The following TANC2 variants were observed in gnomAD, a reference collection of about 807,000 sequenced individuals.
TANC2 encodes the protein tetratricopeptide repeat, ankyrin repeat and coiled-coil containing 2, also known as protein TANC2.
In TANC2, 26 loss-of-function variants were observed where a neutral mutation model predicts 210.5. The ratio of observed to expected loss-of-function variants is 0.12; its 90% CI spans 0.09 to 0.17. The LOEUF is 0.17. TANC2 is among the 10% of genes least tolerant of loss of function. The probability of loss-of-function intolerance (pLI) is 1.00; values close to 1 mark genes in which losing one functional copy is unlikely to be tolerated. For missense variants in TANC2, 2,129 were observed against 2,608.9 expected (o/e 0.82, Z 4.01); for synonymous variants, 931 against 967.1 (o/e 0.96, Z 0.69).
intron 7 of TANC2, among the ~76,000 whole-genome samples, chr17:63,221,257 C>G (rs1322830531): frequency 2.6e-5 from 4 of 151,604 alleles, no homozygotes; most frequent in Non-Finnish European, 2.9e-5. Context: ...ATGGCAAAAC[C>G]CTGTCTCTAC....
intron 18 of TANC2, among the ~76,000 whole-genome samples, chr17:63,398,483 G>T (rs1043774236): frequency 8.6e-5 from 13 of 151,640 alleles, no homozygotes; most frequent in Admixed American, 7.2e-4. Context: ...AGAAAAACAG[G>T]CCCTCAGTTT....
At position 63,200,792 on chromosome 17, in the gene TANC2, A is replaced by G. The variant is rs1292082774; in HGVS notation, c.604A>G (p.Ile202Val). 1 of 1,613,540 alleles carries G rather than the reference A, an allele frequency of 6.2e-7. No homozygotes were observed. The highest frequency in any genetic ancestry group is 1.7e-5 in the Admixed American group (1 of 59,972). Residue 202 changes from isoleucine (I) to valine (V), a missense_variant, in exon 7 of 28, where the codon ATA becomes GTA. By Grantham distance (29) the Ile-to-Val change is conservative. Coordinates refer to ENST00000689528, the Ensembl canonical transcript of TANC2. ...TCAGACCTCAGCAATCACCCAGCGG[A>G]TAAGTCCTTGTTCCACTCTGACTAG...
intron 6 of TANC2, among the ~76,000 whole-genome samples, chr17:63,194,784 G>T (rs2041289250): frequency 6.6e-6 from 1 of 151,414 alleles, no homozygotes; most frequent in Non-Finnish European, 1.5e-5. Context: ...AAATATTTGG[G>T]GATTTTCTAA....
intron 5 of TANC2, among the ~76,000 whole-genome samples, chr17:63,190,631 A>G (rs1158986408): frequency 2.0e-5 from 3 of 152,176 alleles, no homozygotes; most frequent in Non-Finnish European, 4.4e-5. Context: ...TGGAATTTTG[A>G]TAAGGATTGC....
At chr17:63,282,987 C>G (rs1035067340) in intron 9 of TANC2, among the ~76,000 whole-genome samples, 1 of 151,956 alleles carries the variant, frequency 6.6e-6, no homozygotes, top group Non-Finnish European at 1.5e-5. Flanking sequence ...GAATTTATGT[C>G]TTAGAGGACT....
At chr17:63,146,615 C>G (rs1598472383) in intron 4 of TANC2, among the ~76,000 whole-genome samples, 4 of 152,220 alleles carry the variant, frequency 2.6e-5, no homozygotes, top group South Asian at 2.1e-4. Context: ...ACTGTTCTCT[C>G]TGTATATTCT....
At chr17:63,032,015 C>T (rs1046938631) in intron 2 of TANC2, among the ~76,000 whole-genome samples, 11 of 152,240 alleles carry the variant, frequency 7.2e-5, no homozygotes, top group Admixed American at 5.9e-4. Flanking sequence ...TGTGAGAAAA[C>T]TTGACACATT....
At chr17:63,097,248 C>T (rs754743220) in intron 3 of TANC2, among the ~76,000 whole-genome samples, 10 of 151,882 alleles carry the variant, frequency 6.6e-5, no homozygotes, top group South Asian at 2.1e-4. Context: ...GATCCCACTC[C>T]GTTGCCCAGG....
rs147624764 is a variant in TANC2 at position 63,146,237 on chromosome 17, T to C, written c.323-5033T>C. ...CATTGTTAGTGTATAGAAATACAAC[T>C]AACTTGTGAGTTGATTATGTATCCT... On this transcript the variant is annotated intron_variant, in intron 4 of 27. Transcript: ENST00000689528. 5.5e-3 allele frequency among the ~76,000 whole-genome samples: 836 copies of C among 152,272 alleles called. 6 individuals carry two copies. Among genetic ancestry groups the C allele is most frequent in the Middle Eastern group, 0.027 (8 of 294 alleles).
rs1221332274 is a variant in TANC2, at chr17:63,418,145, C to G, written c.4168-162C>G. Among the ~76,000 whole-genome samples the G allele has an allele frequency of 1.3e-5, 2 of 152,250 alleles. No homozygotes were observed. Among genetic ancestry groups the G allele is most frequent in the Non-Finnish European group, 2.9e-5 (2 of 68,042 alleles). ...ACAGGACAAAGGCAGAAGGAACTTT[C>G]AGTCCACAGGCCACGCGGCTTGAGC... is the stretch of plus-strand genomic sequence containing the variant. On this transcript the variant is annotated intron_variant, in intron 26 of 27. Transcript: ENST00000689528. The surrounding 1 kb of genome is among the most constrained non-coding windows in gnomAD (Gnocchi z 4.6).
rs146380550 is a variant in TANC2, at chr17:63,186,115, A to G, written c.434-7876A>G. The stretch of plus-strand genomic sequence containing the variant: ...TTAAGGACAGGATTTACTTTTCCAT[A>G]TGGATATCATATTGATCTGTCACCA... On this transcript the variant is annotated intron_variant, in intron 5 of 27. Coordinates refer to ENST00000689528, the Ensembl canonical transcript of TANC2. Among the ~76,000 whole-genome samples the G allele has an allele frequency of 9.7e-4, 148 of 152,238 alleles. 1 individual carries two copies. The highest frequency in any genetic ancestry group is 3.0e-3 in the African/African-American group (123 of 41,562).
At chr17:63,077,335 T>C (rs552519003) in intron 3 of TANC2, among the ~76,000 whole-genome samples, 93 of 152,246 alleles carry the variant, frequency 6.1e-4, no homozygotes, top group Non-Finnish European at 1.0e-3. Context: ...GCCTGTCTTA[T>C]ACACTTTCTA....
At chr17:63,002,403 T>C (rs2033426623) in intron 1 of TANC2, among the ~76,000 whole-genome samples, 1 of 152,256 alleles carries the variant, frequency 6.6e-6, no homozygotes, top group African/African-American at 2.4e-5. Context: ...TAACATTTTA[T>C]TTTGTTATAA....
intron 4 of TANC2, among the ~76,000 whole-genome samples, chr17:63,114,381 T>C (rs1204647936): frequency 6.6e-6 from 1 of 152,236 alleles, no homozygotes; most frequent in African/African-American, 2.4e-5. Flanking sequence ...TTTTACTCTT[T>C]ACTCTCTTTT....
At chr17:63,312,260 A>G (rs116455553) in intron 9 of TANC2, among the ~76,000 whole-genome samples, 2 of 152,224 alleles carry the variant, frequency 1.3e-5, no homozygotes, top group African/African-American at 4.8e-5. Flanking sequence ...AGACATATGC[A>G]TGCGTATGTT....
chr17:63,351,393 G>A, exon 13 of TANC2: 1 of 1,608,358 alleles, frequency 6.2e-7, no homozygotes, highest in Non-Finnish European at 8.5e-7. Context: ...CAAACTAATT[G>A]TAACAGTTAG....
intron 11 of TANC2, chr17:63,332,397 G>A: frequency 3.2e-6 from 1 of 313,784 alleles, no homozygotes; most frequent in South Asian, 2.9e-5. Context: ...AGCAACAACA[G>A]GCATATATTC....
intron 9 of TANC2, among the ~76,000 whole-genome samples, chr17:63,291,138 A>T (rs1165952918): frequency 1.3e-5 from 2 of 152,184 alleles, no homozygotes; most frequent in Non-Finnish European, 2.9e-5. Context: ...TCCAAGTCTT[A>T]CCTGTGACAT....
chr17:63,099,330 C>A, exon 4 of TANC2: 1 of 1,538,950 alleles, frequency 6.5e-7, no homozygotes, highest in South Asian at 1.2e-5. Flanking sequence ...TATCAGTGTT[C>A]GGCTCCAGCC....
Sources: allele counts gnomAD v4.1 joint callset (sites outside exome capture counted in the v4.1 genomes callset), GRCh38; gene constraint gnomAD v4.1.1; non-coding constraint Gnocchi (gnomAD v3.1); transcripts MANE v1.5; gene names NCBI Gene and HGNC (gene_info 2026-07-23, HGNC 2026-07-21).